SAMD8: variants seen among roughly 807,000 people sequenced by gnomAD.
SAMD8 encodes sphingomyelin synthase-related protein 1.
SAMD8 carries 20 observed loss-of-function variants against 42.0 expected under a neutral mutation model. That is an observed-to-expected ratio of 0.48 (90% CI 0.34 to 0.69). SAMD8 has a LOEUF of 0.69. Among genes scored for constraint, SAMD8 ranks in the 30% least tolerant of loss-of-function variants. The pLI is 0.01. For synonymous variants in SAMD8, 162 were observed against 173.0 expected, an observed-to-expected ratio of 0.94 and a Z score of 0.50; for missense variants, 328 against 511.6, an observed-to-expected ratio of 0.64 and a Z score of 3.46.
At chr10:75,108,004 T>G (rs764046145), upstream of SAMD8, 44 of 1,612,514 alleles carry the variant, frequency 2.7e-5, no homozygotes, top group East Asian at 8.5e-4. Flanking sequence ...CCAGGCGTGT[T>G]GAGGGCACGG....
chr10:75,161,181 A>C (rs1840549027), intron 2 of SAMD8, among the ~76,000 whole-genome samples: 1 of 152,230 alleles, frequency 6.6e-6, no homozygotes, highest in Non-Finnish European at 1.5e-5. Context: ...TACCGTGTCC[A>C]GATGAGAACA....
intron 1 of SAMD8, among the ~76,000 whole-genome samples, chr10:75,137,859 T>TA (rs1261786187): frequency 6.6e-6 from 1 of 152,158 alleles, no homozygotes; most frequent in African/African-American, 2.4e-5. Context: ...CTTAAAATGG[T>TA]AAAAATGGTA....
At chr10:75,168,359 T>C in intron 3 of SAMD8, 182 bp from the exon 4 acceptor site, 1 of 886,630 alleles carries the variant, frequency 1.1e-6, no homozygotes, top group Non-Finnish European at 1.3e-6. Context: ...TATGGAACAT[T>C]TCCGTCATTG....
At chr10:75,119,928 C>T (rs1054763253) in intron 1 of SAMD8, among the ~76,000 whole-genome samples, 4 of 151,976 alleles carry the variant, frequency 2.6e-5, no homozygotes, top group Non-Finnish European at 5.9e-5. Context: ...ATTAGCTGGG[C>T]GTGGTGGCGC....
intron 1 of SAMD8, among the ~76,000 whole-genome samples, chr10:75,117,441 G>A (rs112297360): frequency 3.3e-3 from 502 of 151,598 alleles, no homozygotes; most frequent in African/African-American, 0.011. Context: ...AAGGGTGGGC[G>A]TGATGGCTCA....
chr10:75,128,073 A>ATTTTT (rs11353511), intron 1 of SAMD8, among the ~76,000 whole-genome samples: 3 of 119,260 alleles, frequency 2.5e-5, no homozygotes, highest in Non-Finnish European at 3.5e-5. Flanking sequence ...TTCTTCTTTA[A>ATTTTT]TTTTTTTTTT....
chr10:75,123,409 C>T (rs1849052546), intron 1 of SAMD8, among the ~76,000 whole-genome samples: 1 of 152,126 alleles, frequency 6.6e-6, no homozygotes, highest in Admixed American at 6.5e-5. Flanking sequence ...CCTCTGACAG[C>T]ATGTTAAGAG....
chr10:75,172,202 T>A (rs1840884121), intron 4 of SAMD8, among the ~76,000 whole-genome samples: 2 of 152,170 alleles, frequency 1.3e-5, no homozygotes, highest in Admixed American at 1.3e-4. Flanking sequence ...ATATTTTACA[T>A]GTTTAATTTA....
Position 75,180,424 on chromosome 10 carries a change from G to A in SAMD8, c.*3732G>A, listed in dbSNP as rs1328562904. 6.6e-6 allele frequency: 1 copy of A among 152,142 alleles called. No individual in the cohort carries two copies. Among genetic ancestry groups the A allele is most frequent in the Admixed American group, 6.6e-5 (1 of 15,244 alleles). The allele number at this position is 152,142 out of a possible 1,614,324, so 9.4% of individuals were successfully genotyped here. A position where few individuals can be genotyped will look rare whatever the true frequency, so the allele number is the denominator to read the frequency against. On this transcript the variant is annotated 3_prime_UTR_variant, in exon 6 of 6. Transcript: ENST00000542569. ...CTAAAAATACAAAAATTAGCCGGGCGTGGTGGTGCACGCCCATGCCTGTAG... is the reference window on the plus strand; with the variant it reads ...CTAAAAATACAAAAATTAGCCGGGCATGGTGGTGCACGCCCATGCCTGTAG...
chr10:75,138,457 T>C (rs575915736), intron 1 of SAMD8, among the ~76,000 whole-genome samples: 1 of 152,302 alleles, frequency 6.6e-6, no homozygotes, highest in South Asian at 2.1e-4. Context: ...TAGAACACAT[T>C]TGGATTATTT....
intron 1 of SAMD8, among the ~76,000 whole-genome samples, chr10:75,137,048 T>C (rs532352483): frequency 6.6e-6 from 1 of 152,306 alleles, no homozygotes; most frequent in South Asian, 2.1e-4. Context: ...GCAGAATTAC[T>C]GTACAAGCCA....
chr10:75,124,915 C>T (rs553762549), intron 1 of SAMD8, among the ~76,000 whole-genome samples: 1 of 151,972 alleles, frequency 6.6e-6, no homozygotes, highest in South Asian at 2.1e-4. Context: ...AAGCACATGC[C>T]AGCACAGCCA....
intron 1 of SAMD8, among the ~76,000 whole-genome samples, chr10:75,143,425 CT>C (rs1840066586): frequency 6.6e-6 from 1 of 151,986 alleles, no homozygotes; most frequent in Non-Finnish European, 1.5e-5. Context: ...GTAACATTTT[CT>C]TTCTGCTTGA....
intron 2 of SAMD8, among the ~76,000 whole-genome samples, chr10:75,161,097 C>G (rs1290257262): frequency 1.3e-5 from 2 of 152,114 alleles, no homozygotes; most frequent in African/African-American, 4.8e-5. Flanking sequence ...GCTTTTAGAC[C>G]TGCTCTACTC....
At chr10:75,101,780 C>T in intron 1 of SAMD8, 1 of 946,258 alleles carries the variant, frequency 1.1e-6, no homozygotes, top group South Asian at 1.3e-5. Context: ...CACCCCTCCC[C>T]ACACAGGCAC....
intron 1 of SAMD8, among the ~76,000 whole-genome samples, chr10:75,140,968 C>G (rs927735337): frequency 2.0e-5 from 3 of 152,008 alleles, no homozygotes; most frequent in Admixed American, 2.0e-4. Flanking sequence ...AGATTTATCC[C>G]TGAGTATTTA....
At chr10:75,174,620 A>G (rs1018912032) in intron 4 of SAMD8, among the ~76,000 whole-genome samples, 1 of 98,994 alleles carries the variant, frequency 1.0e-5, no homozygotes, top group Non-Finnish European at 1.8e-5. Context: ...CTTTTAGTAG[A>G]GATGGGTTTT....
chr10:75,168,395 C>A, intron 3 of SAMD8, 146 bp from the exon 4 acceptor site: 1 of 1,473,092 alleles, frequency 6.8e-7, no homozygotes, highest in Non-Finnish European at 9.0e-7. Context: ...GACAACGATG[C>A]TTTTGATGGT....
upstream of SAMD8, among the ~76,000 whole-genome samples, chr10:75,109,668 G>C (rs1348094159): frequency 6.6e-6 from 1 of 152,152 alleles, no homozygotes; most frequent in Non-Finnish European, 1.5e-5. Flanking sequence ...GGCAGGAGCT[G>C]GATTGGATGT....
Sources: gnomAD v4.1 joint callset for allele counts (sites outside exome capture counted in the v4.1 genomes callset) on GRCh38, gnomAD v4.1.1 for gene constraint, MANE v1.5 for transcripts, NCBI Gene and HGNC (gene_info 2026-07-23, HGNC 2026-07-21) for gene names.